The following SMARCB1 variants were observed in gnomAD, a reference collection of about 807,000 sequenced individuals.
SMARCB1 encodes the protein SWI/SNF-related matrix-associated actin-dependent regulator of chromatin subfamily B member 1.
SMARCB1 carries 5 observed loss-of-function variants against 49.0 expected under a neutral mutation model. The ratio of observed to expected loss-of-function variants is 0.10; its 90% CI spans 0.05 to 0.21. The LOEUF is 0.21. Ranked by LOEUF, SMARCB1 falls within the 10% of genes least tolerant of loss-of-function variation. The probability of loss-of-function intolerance (pLI) is 1.00; values close to 1 mark genes in which losing one functional copy is unlikely to be tolerated. For missense variants in SMARCB1, 226 were observed against 509.2 expected, an observed-to-expected ratio of 0.44 and a Z score of 5.35; for synonymous variants, 201 against 200.1, an observed-to-expected ratio of 1.00 and a Z score of -0.04.
chr22:23,788,066 G>T (rs543816588), intron 1 of SMARCB1, among the ~76,000 whole-genome samples: 1 of 152,220 alleles, frequency 6.6e-6, no homozygotes, highest in African/African-American at 2.4e-5. Context: ...TAGAGACAGG[G>T]TCTGGCTATG....
chr22:23,800,721 T>G (rs2145977473), intron 3 of SMARCB1, among the ~76,000 whole-genome samples: 1 of 152,310 alleles, frequency 6.6e-6, no homozygotes. Context: ...ATGGCCGTGC[T>G]GTGTCTGGTG....
At chr22:23,809,333 A>G (rs1053242100) in intron 5 of SMARCB1, among the ~76,000 whole-genome samples, 9 of 150,304 alleles carry the variant, frequency 6.0e-5, no homozygotes, top group South Asian at 4.2e-4. Context: ...CTGGAGTGCA[A>G]TGGCACAGTC....
At chr22:23,810,943 G>C (rs1929832006) in intron 5 of SMARCB1, among the ~76,000 whole-genome samples, 1 of 151,702 alleles carries the variant, frequency 6.6e-6, no homozygotes, top group Middle Eastern at 3.4e-3. Context: ...AGCTGTGGCA[G>C]GGATAATTGC....
At position 23,834,947 on chromosome 22, in the gene SMARCB1, G is replaced by C. The variant is rs1309276875; in HGVS notation, c.*767G>C. Reference sequence around the variant, plus strand: ...TCTGAAGTCCCCTGCGGAGGGCCCAGTCCTGTGTGGGCACTGCTGGGCTGT... The same window carrying C: ...TCTGAAGTCCCCTGCGGAGGGCCCACTCCTGTGTGGGCACTGCTGGGCTGT... On this transcript the variant is annotated 3_prime_UTR_variant, in exon 9 of 9. Coordinates refer to ENST00000644036, the MANE Select transcript of SMARCB1 (RefSeq NM_003073.5). 1.3e-6 allele frequency: 2 copies of C among 1,593,672 alleles called. No individual in the cohort carries two copies. Among genetic ancestry groups the C allele is most frequent in the Middle Eastern group, 1.7e-4 (1 of 5,854 alleles).
At chr22:23,794,649 A>G (rs573373091) in intron 3 of SMARCB1, among the ~76,000 whole-genome samples, 3 of 152,366 alleles carry the variant, frequency 2.0e-5, no homozygotes, top group Admixed American at 2.0e-4. Context: ...CTGTAATCCC[A>G]GCAGTTTGGG....
At chr22:23,802,831 C>G (rs1199700749) in intron 4 of SMARCB1, 4 of 304,464 alleles carry the variant, frequency 1.3e-5, no homozygotes, top group Non-Finnish European at 2.6e-5. Context: ...GCTTCGACAC[C>G]CGCTAGCTTT....
intron 2 of SMARCB1, chr22:23,792,959 AT>A: frequency 5.8e-6 from 1 of 171,852 alleles, no homozygotes; most frequent in South Asian, 1.4e-4. Context: ...CTTGACGGAG[AT>A]TCCCCGGAAG....
At chr22:23,816,534 C>T (rs897942996) in intron 5 of SMARCB1, 2 of 613,614 alleles carry the variant, frequency 3.3e-6, no homozygotes, top group Admixed American at 2.7e-5. Context: ...GTGTTTATGG[C>T]CATGACCACC....
At chr22:23,787,287 T>A in intron 1 of SMARCB1, 25 bp downstream of exon 1, 1 of 1,433,874 alleles carries the variant, frequency 7.0e-7, no homozygotes, top group Non-Finnish European at 9.7e-7. Flanking sequence ...GTTCTCGCCC[T>A]CCCCGGGCTC....
rs1601447333 is a variant in SMARCB1, at chr22:23,834,309, G to A, written c.*129G>A. On this transcript the variant is annotated 3_prime_UTR_variant, in exon 9 of 9. Coordinates refer to ENST00000644036, the MANE Select transcript of SMARCB1 (RefSeq NM_003073.5). ...CCTGAGGATCGGGTGGGGGTGGAGT[G>A]GGGGCTTCCAGGTGGCCCTTCCCGG... 17 of 1,049,542 alleles carry A rather than the reference G, an allele frequency of 1.6e-5. 1 individual carries two copies. In the East Asian group the frequency reaches 4.1e-4, roughly 26 times the overall value. The allele number at this position is 1,049,542 out of a possible 1,614,324, so 65.0% of individuals were successfully genotyped here. A position where few individuals can be genotyped will look rare whatever the true frequency, so the allele number is the denominator to read the frequency against.
intron 5 of SMARCB1, among the ~76,000 whole-genome samples, chr22:23,807,905 C>T (rs1352374164): frequency 1.3e-5 from 2 of 150,242 alleles, no homozygotes; most frequent in Non-Finnish European, 3.0e-5. Context: ...CGCCATTCTC[C>T]TGCCTCAGTC....
intron 5 of SMARCB1, among the ~76,000 whole-genome samples, chr22:23,807,127 A>G (rs1284429617): frequency 6.6e-6 from 1 of 152,196 alleles, no homozygotes; most frequent in Non-Finnish European, 1.5e-5. Flanking sequence ...TAACCAGAAC[A>G]CATGTGGACA....
At position 23,837,260 on chromosome 22, in the gene SMARCB1, C is replaced by G. The variant is rs1290230687; in HGVS notation, c.*3080C>G. ...CCACAGCCTGGTGGCCCTGCAGGCC[C>G]CACAGCATGAGTGCCCCAAAGCCTT... On this transcript the variant is annotated 3_prime_UTR_variant, in exon 9 of 9. Transcript: ENST00000644036. 7.1e-7 allele frequency: 1 copy of G among 1,400,556 alleles called. No homozygotes were observed. Among genetic ancestry groups the G allele is most frequent in the African/African-American group, 1.4e-5 (1 of 69,112 alleles). The allele number at this position is 1,400,556 out of a possible 1,614,324, so 86.8% of individuals were successfully genotyped here.
intron 1 of SMARCB1, among the ~76,000 whole-genome samples, chr22:23,788,405 G>A (rs1928150287): frequency 6.6e-6 from 1 of 152,058 alleles, no homozygotes; most frequent in South Asian, 2.1e-4. Context: ...TCATATTCCA[G>A]CATTTTATTC....
intron 3 of SMARCB1, among the ~76,000 whole-genome samples, chr22:23,793,896 C>G (rs192916080): frequency 5.9e-5 from 9 of 152,136 alleles, no homozygotes; most frequent in Admixed American, 5.2e-4. Context: ...ATTCTCCTGC[C>G]TCAACCTCCC....
intron 1 of SMARCB1, among the ~76,000 whole-genome samples, chr22:23,790,254 T>A (rs1317929818): frequency 6.6e-6 from 1 of 152,160 alleles, no homozygotes; most frequent in Non-Finnish European, 1.5e-5. Flanking sequence ...ACATTTACCA[T>A]GATACTGGAT....
intron 7 of SMARCB1, among the ~76,000 whole-genome samples, chr22:23,833,124 C>T (rs2030748165): frequency 6.6e-6 from 1 of 152,318 alleles, no homozygotes; most frequent in African/African-American, 2.4e-5. Flanking sequence ...GACTCCTTTG[C>T]TCCCATTCGC....
At chr22:23,817,082 C>G in intron 6 of SMARCB1, 146 bp downstream of exon 6, 1 of 682,360 alleles carries the variant, frequency 1.5e-6, no homozygotes, top group African/African-American at 1.8e-5. Flanking sequence ...TGGCTTTGCT[C>G]CCTGCAATCC....
intron 7 of SMARCB1, among the ~76,000 whole-genome samples, chr22:23,830,703 C>T (rs2030613202): frequency 4.6e-5 from 6 of 129,620 alleles, no homozygotes; most frequent in Admixed American, 3.3e-4. Context: ...CGCTGTGTCA[C>T]CAGGCTGGAG....
Sources: gnomAD v4.1 joint callset for allele counts (sites outside exome capture counted in the v4.1 genomes callset) on GRCh38, gnomAD v4.1.1 for gene constraint, MANE v1.5 for transcripts, NCBI Gene and HGNC (gene_info 2026-07-23, HGNC 2026-07-21) for gene names.